MGRN1: variants seen among roughly 807,000 people sequenced by gnomAD.
MGRN1 encodes mahogunin ring finger 1, also known as E3 ubiquitin-protein ligase MGRN1.
MGRN1 carries 29 observed loss-of-function variants against 69.2 expected under a neutral mutation model. The observed-to-expected ratio is 0.42, with a 90% confidence interval of 0.31 to 0.57. MGRN1 has a LOEUF of 0.57. Among genes scored for constraint, MGRN1 ranks in the 20% least tolerant of loss-of-function variants. MGRN1 has a pLI of 0.15. For synonymous variants in MGRN1, 470 were observed against 344.2 expected, an observed-to-expected ratio of 1.37 and a Z score of -4.04; for missense variants, 998 against 796.2, an observed-to-expected ratio of 1.25 and a Z score of -3.05.
chr16:4,643,502 C>T (rs903069758), intron 1 of MGRN1, among the ~76,000 whole-genome samples: 27 of 150,250 alleles, frequency 1.8e-4, no homozygotes, highest in African/African-American at 6.4e-4. Context: ...CTCCCAAGTA[C>T]CTGGGACTAC....
At chr16:4,661,846 G>A (rs549888425) in intron 5 of MGRN1, among the ~76,000 whole-genome samples, 54 of 152,344 alleles carry the variant, frequency 3.5e-4, no homozygotes, top group Non-Finnish European at 6.2e-4. Flanking sequence ...TCAGCAGATG[G>A]CTGCCTGCCC....
At chr16:4,651,848 A>G in intron 2 of MGRN1, 115 bp from the exon 3 acceptor site, 1 of 909,464 alleles carries the variant, frequency 1.1e-6, no homozygotes, top group Non-Finnish European at 1.8e-6. Context: ...AGCCCCTCCC[A>G]TGGGACTAGA....
intron 16 of MGRN1, chr16:4,687,315 C>G: frequency 1.0e-6 from 1 of 978,836 alleles, no homozygotes. Flanking sequence ...TTTGGGAGAC[C>G]GAGGGGATAG....
At chr16:4,671,617 GT>G (rs2078939086) in intron 9 of MGRN1, among the ~76,000 whole-genome samples, 158 bp downstream of exon 9, 2 of 152,142 alleles carry the variant, frequency 1.3e-5, no homozygotes, top group Admixed American at 1.3e-4. Flanking sequence ...AAAGCTAACA[GT>G]TTAGGGAACA....
intron 4 of MGRN1, among the ~76,000 whole-genome samples, chr16:4,654,450 C>T (rs2078484535): frequency 6.6e-6 from 1 of 152,254 alleles, no homozygotes; most frequent in Non-Finnish European, 1.5e-5. Flanking sequence ...GCAACTTCAG[C>T]AGGAGCTGGC....
At position 4,650,427 on chromosome 16, in the gene MGRN1, G is replaced by A. The variant is rs2078379902; in HGVS notation, c.151G>A (p.Gly51Ser). 1 of 1,614,022 alleles carries A rather than the reference G, an allele frequency of 6.2e-7. No individual in the cohort carries two copies. Among genetic ancestry groups the A allele is most frequent in the Admixed American group, 1.7e-5 (1 of 59,998 alleles). ...GEKFDTPHPE[G>S]YLFGENMDLN... is the part of the protein sequence containing the mutation. ...GAAATTCGACACCCCCCACCCTGAA[G>A]GTTACCTCTTTGGAGAGAACATGGA... is the stretch of plus-strand genomic sequence containing the variant. Residue 51 changes from glycine to serine, a missense_variant, in exon 2 of 17, where the codon GGT becomes AGT. Coordinates refer to ENST00000262370, the MANE Select transcript of MGRN1 (RefSeq NM_015246.4).
rs1333613453 is a variant in MGRN1 at position 4,687,177 on chromosome 16, TAGG to T, written c.1619-1615_1619-1613del. ...CTTCTGGAACACCAGCACTAAAAGA[TAGG>T]AGGCCCTGTGAGGTTGGCATCCCCC... On this transcript the variant is annotated intron_variant, in intron 16 of 16. Transcript: ENST00000262370. 18 of 982,866 alleles carry T rather than the reference TAGG, an allele frequency of 1.8e-5. No homozygotes were observed. The Admixed American group carries it at 1.9e-4, about 10-fold the overall frequency. 60.9% of individuals were successfully genotyped at this position (982,866 alleles called of 1,614,324 possible).
At chr16:4,679,983 G>T in intron 11 of MGRN1, 49 bp from the exon 12 acceptor site, 1 of 1,569,780 alleles carries the variant, frequency 6.4e-7, no homozygotes, top group East Asian at 2.3e-5. Flanking sequence ...CCCACTCCAG[G>T]GCCGCGTGGG....
chr16:4,676,405 C>T (rs1318468150), intron 10 of MGRN1, among the ~76,000 whole-genome samples: 3 of 152,230 alleles, frequency 2.0e-5, no homozygotes, highest in African/African-American at 7.2e-5. Context: ...AGCAGGGCTG[C>T]TTTCCAGGGA....
intron 4 of MGRN1, among the ~76,000 whole-genome samples, chr16:4,654,710 G>A (rs2141890511): frequency 6.6e-6 from 1 of 152,368 alleles, no homozygotes; most frequent in East Asian, 1.9e-4. Context: ...GGGACCATGT[G>A]TCCTGTGCAC....
rs1275815768 is a variant in MGRN1, at chr16:4,671,374, C to T, written c.727-17C>T. ...GGCAGTTGGCGAGGGCCCAGTGAGC[C>T]CCTCTCTGCTCTCCAGGTGGACCGG... On this transcript the variant is annotated splice_polypyrimidine_tract_variant and intron_variant, in intron 8 of 16. Coordinates refer to ENST00000262370, the MANE Select transcript of MGRN1 (RefSeq NM_015246.4). 1.9e-6 allele frequency: 3 copies of T among 1,613,908 alleles called. No individual in the cohort carries two copies. Among genetic ancestry groups the T allele is most frequent in the Middle Eastern group, 1.7e-4 (1 of 6,054 alleles).
intron 8 of MGRN1, among the ~76,000 whole-genome samples, chr16:4,668,823 C>T (rs1304448467): frequency 6.6e-6 from 1 of 151,116 alleles, no homozygotes; most frequent in African/African-American, 2.5e-5. Context: ...GACACACACT[C>T]ATACACATAC....
At chr16:4,657,899 C>T (rs1376364118) in intron 5 of MGRN1, among the ~76,000 whole-genome samples, 3 of 151,682 alleles carry the variant, frequency 2.0e-5, no homozygotes, top group African/African-American at 4.8e-5. Flanking sequence ...CCTGCCACCA[C>T]GCCCGGCTAA....
intron 2 of MGRN1, chr16:4,651,202 C>G (rs1471498857): frequency 6.6e-6 from 1 of 152,242 alleles, no homozygotes; most frequent in Non-Finnish European, 1.5e-5. Flanking sequence ...TAACATCTTC[C>G]CCTCGTTGCC....
chr16:4,655,047 G>C (rs975230646), intron 4 of MGRN1, among the ~76,000 whole-genome samples: 1 of 152,218 alleles, frequency 6.6e-6, no homozygotes, highest in Non-Finnish European at 1.5e-5. Flanking sequence ...GGAGTGACCA[G>C]GGCAGGCCCC....
At chr16:4,659,369 A>T (rs2078624763) in intron 5 of MGRN1, among the ~76,000 whole-genome samples, 1 of 151,402 alleles carries the variant, frequency 6.6e-6, no homozygotes, top group African/African-American at 2.4e-5. Flanking sequence ...TGTTTGTTTC[A>T]TGTTTCCTGG....
At chr16:4,640,959 T>C (rs2078143536) in intron 1 of MGRN1, among the ~76,000 whole-genome samples, 1 of 152,174 alleles carries the variant, frequency 6.6e-6, no homozygotes. Flanking sequence ...CTGCCCCTCT[T>C]TCCTTGGGGC....
chr16:4,680,331 C>T lies in MGRN1; in HGVS notation c.1131+234C>T, dbSNP rs185636309. 7 of 519,148 alleles carry T rather than the reference C, an allele frequency of 1.3e-5. No individual in the cohort carries two copies. The East Asian group carries it at 2.0e-4, about 15-fold the overall frequency. 32.2% of individuals were successfully genotyped at this position (519,148 alleles called of 1,614,324 possible). A position where few individuals can be genotyped will look rare whatever the true frequency, so the allele number is the denominator to read the frequency against. ...CCCGCCGCCCTCCCCTCAGCTTTGC[C>T]TCCGCCCCGCGTGGCCCCCGTGCCG... On this transcript the variant is annotated intron_variant, in intron 12 of 16. Coordinates refer to ENST00000262370, the MANE Select transcript of MGRN1 (RefSeq NM_015246.4).
chr16:4,686,045 G>A (rs558007356), intron 16 of MGRN1, among the ~76,000 whole-genome samples: 48 of 152,328 alleles, frequency 3.2e-4, no homozygotes, highest in Non-Finnish European at 6.6e-4. Context: ...GTATGGGAGG[G>A]AGGGGCAGGG....
Sources: gnomAD v4.1 joint callset for allele counts (sites outside exome capture counted in the v4.1 genomes callset) on GRCh38, gnomAD v4.1.1 for gene constraint, MANE v1.5 for transcripts, NCBI Gene and HGNC (gene_info 2026-07-23, HGNC 2026-07-21) for gene names.